TXLNG: variants seen among roughly 807,000 people sequenced by gnomAD.
The protein encoded by TXLNG is taxilin gamma, also known as gamma-taxilin.
In TXLNG, 5 loss-of-function variants were observed where a neutral mutation model predicts 38.8. The ratio of observed to expected loss-of-function variants is 0.13; its 90% CI spans 0.07 to 0.27. The LOEUF (loss-of-function observed/expected upper bound fraction) is 0.27. TXLNG is among the 10% of genes least tolerant of loss of function. The pLI, the probability that TXLNG is intolerant of heterozygous loss-of-function variation, is 1.00. For missense variants in TXLNG, 393 were observed against 398.2 expected, an observed-to-expected ratio of 0.99 and a Z score of 0.11; for synonymous variants, 182 against 158.2, an observed-to-expected ratio of 1.15 and a Z score of -1.13.
intron 1 of TXLNG, among the ~76,000 whole-genome samples, chrX:16,802,057 G>A (rs1437215210): frequency 3.0e-5 from 3 of 98,448 alleles, no homozygotes; most frequent in African/African-American, 7.6e-5. Flanking sequence ...GGGTTCACAC[G>A]ATTCTCCTGC....
chrX:16,832,197 C>T (rs1330916341), intron 5 of TXLNG, among the ~76,000 whole-genome samples: 2 of 112,243 alleles, frequency 1.8e-5, no homozygotes, highest in Non-Finnish European at 3.8e-5. Context: ...ACCATGCTGC[C>T]TCCAGCTAAG....
intron 1 of TXLNG, among the ~76,000 whole-genome samples, chrX:16,813,254 C>G (rs1928602497): frequency 9.0e-6 from 1 of 111,445 alleles, no homozygotes; most frequent in Non-Finnish European, 1.9e-5. Flanking sequence ...TACCATCACA[C>G]TCAGTAGGAT....
intron 9 of TXLNG, chrX:16,840,500 A>C: frequency 1.3e-6 from 1 of 743,915 alleles, no homozygotes; most frequent in Non-Finnish European, 1.6e-6. Context: ...TCGGCTGGGC[A>C]CAGTGGCTCA....
intron 9 of TXLNG, among the ~76,000 whole-genome samples, chrX:16,840,995 G>C (rs901442951): frequency 9.9e-5 from 11 of 110,928 alleles, no homozygotes; most frequent in African/African-American, 3.6e-4. Context: ...AGGAAATCAA[G>C]ACCATCCTGG....
intron 1 of TXLNG, among the ~76,000 whole-genome samples, chrX:16,789,028 C>A (rs775245025): frequency 1.5e-4 from 17 of 111,885 alleles, no homozygotes; most frequent in East Asian, 8.3e-4. Context: ...TTTAAAATTT[C>A]TTTTGGGTCA....
intron 1 of TXLNG, among the ~76,000 whole-genome samples, chrX:16,788,199 A>G (rs1017659384): frequency 1.5e-4 from 17 of 112,294 alleles, no homozygotes; most frequent in African/African-American, 4.8e-4. Context: ...AGCCACTGCA[A>G]TTGAGGATAT....
At chrX:16,834,698 A>G (rs1488331917) in intron 7 of TXLNG, among the ~76,000 whole-genome samples, 3 of 111,580 alleles carry the variant, frequency 2.7e-5, no homozygotes, top group Non-Finnish European at 5.6e-5. Flanking sequence ...AGTCGGTTAC[A>G]CTAAATTTCC....
chrX:16,826,682 C>T (rs559752376), intron 3 of TXLNG, among the ~76,000 whole-genome samples: 17 of 111,626 alleles, frequency 1.5e-4, no homozygotes, highest in Admixed American at 1.4e-3. Context: ...CCTGTATTCT[C>T]AGCACTTTGG....
At chrX:16,838,439 C>A (rs1929680173) in intron 8 of TXLNG, among the ~76,000 whole-genome samples, 1 of 111,636 alleles carries the variant, frequency 9.0e-6, no homozygotes, top group Admixed American at 9.5e-5. Flanking sequence ...GACCGTGCGC[C>A]CTGGGTTAAT....
chrX:16,828,410 T>A (rs1205541797), intron 4 of TXLNG, 146 bp downstream of exon 4: 2 of 568,370 alleles, frequency 3.5e-6, no homozygotes, highest in Non-Finnish European at 5.3e-6. Context: ...ATGCCTTGTG[T>A]GAGGTCATTG....
intron 1 of TXLNG, among the ~76,000 whole-genome samples, chrX:16,798,531 T>C (rs1927967375): frequency 9.0e-6 from 1 of 110,893 alleles, no homozygotes; most frequent in African/African-American, 3.3e-5. Flanking sequence ...TTCAAACAGC[T>C]GCACTCGTGC....
Position 16,786,507 on chromosome X carries a change from A to T in TXLNG, c.20A>T (p.Glu7Val). ...CACCTCATGGCGACGCGGGTAGAGG[A>T]GGCAGCGCGGGGAAGAGGCGGCGGC... MATRVE[E>V]AARGRGGGAE... The change falls in exon 1 of 10, where the codon GAG becomes GTG. Residue 7 changes from glutamate to valine, a missense_variant. Glu to Val is a moderately radical substitution (Grantham distance 121). Transcript: ENST00000380122. 3.6e-6 allele frequency: 4 copies of T among 1,112,853 alleles called. No individual in the cohort carries two copies. Among genetic ancestry groups the T allele is most frequent in the Non-Finnish European group, 4.7e-6 (4 of 849,220 alleles). 91.7% of individuals were successfully genotyped at this position (1,112,853 alleles called of 1,213,427 possible).
rs184571927 is a variant in TXLNG, at chrX:16,821,732, T to G, written c.498+1477T>G. 2.1e-3 allele frequency among the ~76,000 whole-genome samples: 234 copies of G among 111,743 alleles called. 2 individuals are homozygous for G. Among genetic ancestry groups the G allele is most frequent in the Non-Finnish European group, 3.1e-3 (164 of 53,112 alleles). ...GAGGCTGGGCGCGGTGGCTCACGCCTGTAATCCCAGCACTTTGGGAGGCCA... is the reference window on the plus strand; with the variant it reads ...GAGGCTGGGCGCGGTGGCTCACGCCGGTAATCCCAGCACTTTGGGAGGCCA... On this transcript the variant is annotated intron_variant, in intron 3 of 9. Coordinates refer to ENST00000380122, the MANE Select transcript of TXLNG (RefSeq NM_018360.3).
At chrX:16,838,787 A>G (rs1244014506) in intron 8 of TXLNG, among the ~76,000 whole-genome samples, 1 of 111,989 alleles carries the variant, frequency 8.9e-6, no homozygotes. Flanking sequence ...GAGGTGGAAC[A>G]GAGAGTTCCC....
At chrX:16,828,335 C>T in intron 4 of TXLNG, 71 bp downstream of exon 4, 1 of 1,021,577 alleles carries the variant, frequency 9.8e-7, no homozygotes, top group Non-Finnish European at 1.3e-6. Context: ...CTGTGCCTAT[C>T]TGAAATAAAT....
intron 1 of TXLNG, among the ~76,000 whole-genome samples, chrX:16,814,479 G>A (rs1243797341): frequency 1.8e-5 from 2 of 111,876 alleles, no homozygotes; most frequent in Non-Finnish European, 3.8e-5. Flanking sequence ...GCCGGGCATG[G>A]TTGCGGGTGC....
intron 1 of TXLNG, among the ~76,000 whole-genome samples, chrX:16,804,493 G>A (rs749239294): frequency 2.8e-4 from 31 of 110,420 alleles, no homozygotes; most frequent in African/African-American, 9.9e-4. Context: ...TACCAATTTA[G>A]AGCCCCCCAC....
intron 1 of TXLNG, among the ~76,000 whole-genome samples, chrX:16,800,539 A>G (rs963108868): frequency 1.0e-3 from 103 of 98,479 alleles, no homozygotes; most frequent in Middle Eastern, 6.6e-3. Context: ...TAAGCCACCG[A>G]GCCAGGCCTG....
intron 3 of TXLNG, among the ~76,000 whole-genome samples, chrX:16,822,534 C>T (rs186479753): frequency 1.8e-5 from 2 of 111,836 alleles, no homozygotes; most frequent in Admixed American, 1.9e-4. Flanking sequence ...GGATTGATGG[C>T]TTCAGGAAAG....
Sources: gnomAD v4.1 joint callset for allele counts (sites outside exome capture counted in the v4.1 genomes callset) on GRCh38, gnomAD v4.1.1 for gene constraint, MANE v1.5 for transcripts, NCBI Gene and HGNC (gene_info 2026-07-23, HGNC 2026-07-21) for gene names.